TENM3: variants seen among roughly 807,000 people sequenced by gnomAD.
TENM3 encodes teneurin transmembrane protein 3, also known as teneurin-3.
TENM3 carries 63 observed loss-of-function variants against 255.1 expected under a neutral mutation model. That is an observed-to-expected ratio of 0.25 (90% CI 0.20 to 0.30). The LOEUF is 0.30. Among genes scored for constraint, TENM3 ranks in the 10% least tolerant of loss-of-function variants. The pLI is 1.00. For missense variants in TENM3, 2,929 were observed against 3,461.1 expected (o/e 0.85, Z 3.86); for synonymous variants, 1,306 against 1,322.3 (o/e 0.99, Z 0.27).
chr4:181,785,703 C>T, the TENM3 span, among the ~76,000 whole-genome samples: 2 of 151,914 alleles, frequency 1.3e-5, no homozygotes, highest in Non-Finnish European at 2.9e-5. Context: ...TCTGCCTCCC[C>T]CCAACCCCCG....
At chr4:182,617,219 A>G (rs1253077115) in intron 4 of TENM3, among the ~76,000 whole-genome samples, 1 of 152,206 alleles carries the variant, frequency 6.6e-6, no homozygotes, top group East Asian at 1.9e-4. Context: ...ATGCCCAATT[A>G]GAGACCACAA....
intron 1 of TENM3, among the ~76,000 whole-genome samples, chr4:182,259,027 G>A (rs1380292265): frequency 6.6e-6 from 1 of 152,206 alleles, no homozygotes; most frequent in East Asian, 1.9e-4. Context: ...ATTAGAGAAG[G>A]CAGATACCTT....
At chr4:182,651,195 T>C (rs1011237501) in intron 5 of TENM3, among the ~76,000 whole-genome samples, 2 of 152,184 alleles carry the variant, frequency 1.3e-5, no homozygotes, top group Non-Finnish European at 2.9e-5. Context: ...TCAAACATTT[T>C]ACTCTATGCA....
intron 16 of TENM3, among the ~76,000 whole-genome samples, chr4:182,736,049 C>T (rs959849081): frequency 9.2e-5 from 14 of 152,100 alleles, no homozygotes; most frequent in African/African-American, 3.4e-4. Flanking sequence ...ATTAGTTGCT[C>T]TCTAGGATAA....
chr4:181,854,132 A>G, the TENM3 span, among the ~76,000 whole-genome samples: 1 of 152,228 alleles, frequency 6.6e-6, no homozygotes, highest in Non-Finnish European at 1.5e-5. Flanking sequence ...TTGATAAATT[A>G]CTGATGGCAT....
At chr4:181,977,215 C>T in the TENM3 span, among the ~76,000 whole-genome samples, 1 of 151,800 alleles carries the variant, frequency 6.6e-6, no homozygotes, top group African/African-American at 2.4e-5. Flanking sequence ...CCCATAGGAT[C>T]GTTAAAAGGA....
the TENM3 span, among the ~76,000 whole-genome samples, chr4:181,634,366 A>T: frequency 7.0e-6 from 1 of 143,476 alleles, no homozygotes; most frequent in Non-Finnish European, 1.5e-5. Flanking sequence ...CATCTGTTTG[A>T]GTCTTACTTT....
chr4:181,575,987 A>T, the TENM3 span, among the ~76,000 whole-genome samples: 1 of 152,228 alleles, frequency 6.6e-6, no homozygotes, highest in Non-Finnish European at 1.5e-5. Context: ...AAGAGGGTAC[A>T]AGTGTAACTT....
chr4:182,616,556 C>A (rs1389640264), intron 4 of TENM3, among the ~76,000 whole-genome samples: 1 of 137,452 alleles, frequency 7.3e-6, no homozygotes, highest in Non-Finnish European at 1.5e-5. Flanking sequence ...GAGATCAAGA[C>A]CATCCTGGCT....
At chr4:181,995,221 C>T in the TENM3 span, among the ~76,000 whole-genome samples, 3 of 151,280 alleles carry the variant, frequency 2.0e-5, no homozygotes, top group Non-Finnish European at 2.9e-5. Context: ...ACCCGGGGGG[C>T]GGAGGTTGCA....
chr4:182,601,056 G>C lies in TENM3; in HGVS notation c.644G>C (p.Ser215Thr). Residue 215 changes from serine (S) to threonine (T), a missense_variant, in exon 4 of 28, where the codon AGT becomes ACT. Ser to Thr is a moderately conservative substitution (Grantham distance 58, BLOSUM62 1). Coordinates refer to ENST00000511685, the MANE Select transcript of TENM3 (RefSeq NM_001080477.4). The part of the protein sequence containing the change: ...RNSLTNRRNQ[S>T]PAPPAALPAE... ...TCCCTGACCAATAGAAGGAACCAGA[G>C]TCCGGCCCCGCCGGCTGCTTTGCCC... 6.2e-7 allele frequency: 1 copy of C among 1,613,682 alleles called. No homozygotes were observed. The highest frequency in any genetic ancestry group is 8.5e-7 in the Non-Finnish European group (1 of 1,179,836).
chr4:181,548,983 C>G, the TENM3 span, among the ~76,000 whole-genome samples: 1 of 152,152 alleles, frequency 6.6e-6, no homozygotes, highest in Non-Finnish European at 1.5e-5. Flanking sequence ...TCCTGTCAGC[C>G]TGGAAGGCAT....
At chr4:181,752,504 A>G in the TENM3 span, among the ~76,000 whole-genome samples, 1 of 152,122 alleles carries the variant, frequency 6.6e-6, no homozygotes, top group African/African-American at 2.4e-5. Flanking sequence ...GTAAGCAGAG[A>G]TCACACCACT....
intron 1 of TENM3, among the ~76,000 whole-genome samples, chr4:182,150,206 A>G (rs529209117): frequency 1.3e-5 from 2 of 151,832 alleles, no homozygotes; most frequent in South Asian, 4.2e-4. Context: ...GGGAAGGAGG[A>G]AGGGAGGAAG....
At chr4:181,783,432 T>G in the TENM3 span, among the ~76,000 whole-genome samples, 8,588 of 152,162 alleles carry the variant, frequency 0.056, 453 homozygotes, top group African/African-American at 0.14. Flanking sequence ...TCTATTTGCT[T>G]TGTGTATGTA....
At chr4:182,440,679 C>T (rs932621836) in intron 3 of TENM3, among the ~76,000 whole-genome samples, 1 of 152,106 alleles carries the variant, frequency 6.6e-6, no homozygotes, top group South Asian at 2.1e-4. Flanking sequence ...TTTAACATGA[C>T]GATGTGGATT....
intron 3 of TENM3, among the ~76,000 whole-genome samples, chr4:182,494,181 G>A (rs376733939): frequency 6.6e-6 from 1 of 152,096 alleles, no homozygotes; most frequent in African/African-American, 2.4e-5. Flanking sequence ...ACTGGGAAAG[G>A]AAAATGAAAA....
In TENM3 at chr4:182,244,044, C is replaced by G. The variant is rs886138605; in HGVS notation, c.-76+568C>G. 6.7e-4 allele frequency among the ~76,000 whole-genome samples: 100 copies of G among 149,466 alleles called. 2 individuals carry two copies. Among genetic ancestry groups the G allele is most frequent in the Non-Finnish European group, 1.8e-4 (12 of 67,622 alleles). ...CCTCGGCTCACTGCAAGCTCCGCCT[C>G]CCGGGTTCACGCCATTCTCCTGCCT... is the stretch of plus-strand genomic sequence containing the variant. On this transcript the variant is annotated intron_variant, in intron 1 of 27. Coordinates refer to ENST00000511685, the MANE Select transcript of TENM3 (RefSeq NM_001080477.4).
At chr4:182,493,084 A>C (rs1473719471) in intron 3 of TENM3, among the ~76,000 whole-genome samples, 1 of 152,172 alleles carries the variant, frequency 6.6e-6, no homozygotes, top group Admixed American at 6.5e-5. Flanking sequence ...ATGCATTCTT[A>C]TATAAACTTC....
Sources: gnomAD v4.1 joint callset for allele counts (sites outside exome capture counted in the v4.1 genomes callset) on GRCh38, gnomAD v4.1.1 for gene constraint, MANE v1.5 for transcripts, NCBI Gene and HGNC (gene_info 2026-07-23, HGNC 2026-07-21) for gene names.